The following HECW1 variants were observed in gnomAD, a reference collection of about 807,000 sequenced individuals.
HECW1 encodes E3 ubiquitin-protein ligase HECW1.
A neutral mutation model predicts 182.3 loss-of-function variants in HECW1; 61 were observed. The ratio of observed to expected loss-of-function variants is 0.33; its 90% confidence interval spans 0.27 to 0.41. HECW1 has a LOEUF of 0.41. Ranked by LOEUF, HECW1 falls within the 10% of genes least tolerant of loss-of-function variation. HECW1 has a pLI of 1.00. For synonymous variants in HECW1, 859 were observed against 832.6 expected (o/e 1.03, Z -0.55); for missense variants, 1,739 against 2,108.9 (o/e 0.82, Z 3.44).
intron 2 of HECW1, among the ~76,000 whole-genome samples, chr7:43,125,009 C>T (rs925109246): frequency 2.6e-5 from 4 of 152,112 alleles, no homozygotes; most frequent in Non-Finnish European, 5.9e-5. Flanking sequence ...AAATTTATTT[C>T]TTACAGTTGT....
intron 29 of HECW1, among the ~76,000 whole-genome samples, chr7:43,556,326 A>G (rs1185029541): frequency 1.3e-5 from 2 of 152,168 alleles, no homozygotes; most frequent in Middle Eastern, 3.2e-3. Context: ...GCCAGTGCAG[A>G]GGGTAAGATG....
intron 2 of HECW1, among the ~76,000 whole-genome samples, chr7:43,152,956 G>A (rs1789498643): frequency 6.6e-6 from 1 of 152,156 alleles, no homozygotes; most frequent in African/African-American, 2.4e-5. Flanking sequence ...GTGCCTCTTA[G>A]TCTGGAGCTT....
chr7:43,266,252 A>T (rs79613988), intron 3 of HECW1, among the ~76,000 whole-genome samples: 1 of 152,120 alleles, frequency 6.6e-6, no homozygotes, highest in South Asian at 2.1e-4. Flanking sequence ...CCTCATTACC[A>T]TAAACTCTGG....
chr7:43,307,827 T>C (rs1043540900), intron 3 of HECW1, among the ~76,000 whole-genome samples: 51 of 147,268 alleles, frequency 3.5e-4, no homozygotes, highest in African/African-American at 1.2e-3. Context: ...ATGGGGTAAA[T>C]AGGTGAGGGA....
chr7:43,437,265 A>G (rs189244122), intron 8 of HECW1, among the ~76,000 whole-genome samples: 2 of 152,224 alleles, frequency 1.3e-5, no homozygotes, highest in Admixed American at 1.3e-4. Context: ...CTTTCTTTTT[A>G]ACGAAGGCAG....
chr7:43,386,082 G>A (rs1289576829), intron 6 of HECW1, among the ~76,000 whole-genome samples: 1 of 152,150 alleles, frequency 6.6e-6, no homozygotes, highest in East Asian at 1.9e-4. Flanking sequence ...GGTCCTTCAT[G>A]CCGCCCACAT....
intron 6 of HECW1, among the ~76,000 whole-genome samples, chr7:43,364,292 T>A (rs752425347): frequency 6.6e-6 from 1 of 152,200 alleles, no homozygotes; most frequent in African/African-American, 2.4e-5. Flanking sequence ...TTTGTCTTTG[T>A]CCCATGGGCA....
At chr7:43,363,435 T>C (rs1273622129) in intron 6 of HECW1, among the ~76,000 whole-genome samples, 1 of 152,214 alleles carries the variant, frequency 6.6e-6, no homozygotes, top group Non-Finnish European at 1.5e-5. Context: ...TATTTTGACA[T>C]ATTGCTGTCA....
chr7:43,168,064 C>T (rs1208056816), intron 2 of HECW1, among the ~76,000 whole-genome samples: 2 of 152,310 alleles, frequency 1.3e-5, no homozygotes, highest in South Asian at 4.1e-4. Flanking sequence ...CGCTTCCTTT[C>T]GGCATTTGTT....
At chr7:43,332,543 C>T (rs1415310212) in intron 5 of HECW1, among the ~76,000 whole-genome samples, 1 of 152,220 alleles carries the variant, frequency 6.6e-6, no homozygotes, top group Non-Finnish European at 1.5e-5. Context: ...GTGTCTGGAC[C>T]TGCAGCCAGG....
intron 21 of HECW1, 139 bp downstream of exon 21, chr7:43,501,461 G>A (rs2079356830): frequency 1.9e-6 from 1 of 533,606 alleles, no homozygotes; most frequent in Non-Finnish European, 3.3e-6. Context: ...CACTCTATCA[G>A]GTTTTGACAA....
intron 7 of HECW1, 71 bp from the exon 8 acceptor site, chr7:43,407,491 G>T: frequency 8.9e-7 from 1 of 1,118,598 alleles, no homozygotes; most frequent in South Asian, 1.5e-5. Flanking sequence ...CTCATGAAAG[G>T]TGTGGTTACC....
At chr7:43,435,273 G>C (rs533749201) in intron 8 of HECW1, among the ~76,000 whole-genome samples, 1 of 152,198 alleles carries the variant, frequency 6.6e-6, no homozygotes, top group South Asian at 2.1e-4. Flanking sequence ...GGAATAACTG[G>C]ACCAAAGATA....
chr7:43,275,855 T>A (rs1387285891), intron 3 of HECW1, among the ~76,000 whole-genome samples: 2 of 152,318 alleles, frequency 1.3e-5, no homozygotes, highest in East Asian at 3.9e-4. Context: ...TCCTGCTAAT[T>A]GATCCACAGG....
chr7:43,493,210 C>G (rs899363979), intron 19 of HECW1, 30 bp downstream of exon 19: 1 of 1,467,574 alleles, frequency 6.8e-7, no homozygotes, highest in African/African-American at 1.4e-5. Flanking sequence ...CCCTGGAACT[C>G]TAGGTCTTTC....
intron 13 of HECW1, among the ~76,000 whole-genome samples, chr7:43,462,494 A>G (rs2152893635): frequency 6.7e-6 from 1 of 148,818 alleles, no homozygotes; most frequent in East Asian, 2.0e-4. Context: ...CACATTCTGG[A>G]AAAAAAAAAG....
At chr7:43,554,372 C>A (rs565049234) in intron 28 of HECW1, among the ~76,000 whole-genome samples, 79 of 152,318 alleles carry the variant, frequency 5.2e-4, no homozygotes, top group Middle Eastern at 3.4e-3. Context: ...ACATAAAGTC[C>A]TTTTATAAAA....
intron 5 of HECW1, among the ~76,000 whole-genome samples, chr7:43,354,474 A>G (rs546498663): frequency 9.2e-5 from 14 of 152,338 alleles, no homozygotes; most frequent in African/African-American, 3.4e-4. Context: ...AAATAATTTT[A>G]AAAATAAAAC....
intron 2 of HECW1, among the ~76,000 whole-genome samples, chr7:43,159,959 G>A (rs10269221): frequency 0.026 from 3,903 of 152,222 alleles, 170 homozygotes; most frequent in African/African-American, 0.09. Context: ...GATTACAGGC[G>A]TGAGCCACCG....
Sources: gnomAD v4.1 joint callset for allele counts (sites outside exome capture counted in the v4.1 genomes callset) on GRCh38, gnomAD v4.1.1 for gene constraint, MANE v1.5 for transcripts, NCBI Gene and HGNC (gene_info 2026-07-23, HGNC 2026-07-21) for gene names.